MYO18B: variants seen among roughly 807,000 people sequenced by gnomAD.
MYO18B encodes the protein unconventional myosin-XVIIIb.
A neutral mutation model predicts 273.0 loss-of-function variants in MYO18B; 204 were observed. The observed-to-expected ratio is 0.75, with a 90% confidence interval of 0.67 to 0.84. MYO18B has a LOEUF of 0.84. Among genes scored for constraint, MYO18B ranks in the 40% least tolerant of loss-of-function variants. The pLI, the probability that MYO18B is intolerant of heterozygous loss-of-function variation, is 0.00. For missense variants in MYO18B, 3,212 were observed against 3,287.6 expected (o/e 0.98, Z 0.56); for synonymous variants, 1,330 against 1,305.7 (o/e 1.02, Z -0.40).
chr22:26,023,177 C>A (rs1427064094), intron 42 of MYO18B, among the ~76,000 whole-genome samples: 2 of 152,168 alleles, frequency 1.3e-5, no homozygotes, highest in African/African-American at 4.8e-5. Context: ...ATTTCAACTT[C>A]TTTCCTGTTT....
intron 21 of MYO18B, among the ~76,000 whole-genome samples, chr22:25,857,842 C>G (rs1355333931): frequency 6.6e-6 from 1 of 152,186 alleles, no homozygotes; most frequent in Non-Finnish European, 1.5e-5. Flanking sequence ...TTGTAGAGAC[C>G]TGGTTTCGCC....
intron 39 of MYO18B, among the ~76,000 whole-genome samples, chr22:25,981,255 A>G (rs2093145486): frequency 6.6e-6 from 1 of 152,200 alleles, no homozygotes; most frequent in Admixed American, 6.5e-5. Context: ...TCATAAACAG[A>G]TGTGTTTCTC....
In MYO18B at chr22:26,003,397, C is replaced by T. The variant is rs56041056; in HGVS notation, c.6332+88C>T. On this transcript the variant is annotated intron_variant, in intron 41 of 43. Coordinates refer to ENST00000335473, the MANE Select transcript of MYO18B (RefSeq NM_032608.7). ...AGTTTGCAGAGGGAACATCCATGTC[C>T]ACTTGGAGAATTATCAGTGATGCCC... 3.0e-3 allele frequency: 3,499 copies of T among 1,156,240 alleles called. 69 individuals are homozygous for T. In the African/African-American group the frequency reaches 0.047, roughly 16 times the overall value. 71.6% of individuals were successfully genotyped at this position (1,156,240 alleles called of 1,614,324 possible). A position where few individuals can be genotyped will look rare whatever the true frequency, so the allele number is the denominator to read the frequency against.
chr22:25,836,096 G>A (rs897308031), intron 17 of MYO18B, among the ~76,000 whole-genome samples: 2 of 152,160 alleles, frequency 1.3e-5, no homozygotes, highest in Non-Finnish European at 2.9e-5. Flanking sequence ...AAAGTCCATA[G>A]CACTTGGTGG....
At chr22:25,868,268 A>G (rs996548808) in intron 21 of MYO18B, 52 bp from the exon 22 acceptor site, 2 of 1,485,012 alleles carry the variant, frequency 1.3e-6, no homozygotes, top group African/African-American at 1.4e-5. Context: ...TTTCCCCTTT[A>G]GGATCCTCCT....
Position 26,030,959 on chromosome 22 carries a change from T to G in MYO18B, c.*529T>G, listed in dbSNP as rs1278961549. On this transcript the variant is annotated 3_prime_UTR_variant, in exon 44 of 44. Coordinates refer to ENST00000335473, the MANE Select transcript of MYO18B (RefSeq NM_032608.7). ...TTCATTTCTCTATCCTGTGTATGTA[T>G]AAGTGTGTACAAGCATTCAAGAAAC... 5.0e-6 allele frequency: 2 copies of G among 398,586 alleles called. No individual in the cohort carries two copies. The highest frequency in any genetic ancestry group is 7.1e-5 in the East Asian group (2 of 28,074). 24.7% of individuals were successfully genotyped at this position (398,586 alleles called of 1,614,324 possible). A position where few individuals can be genotyped will look rare whatever the true frequency, so the allele number is the denominator to read the frequency against.
chr22:25,987,137 G>T (rs1212475602), intron 39 of MYO18B, among the ~76,000 whole-genome samples: 1 of 152,222 alleles, frequency 6.6e-6, no homozygotes, highest in Non-Finnish European at 1.5e-5. Flanking sequence ...CTCCAGAGCT[G>T]CAGAAATTAA....
chr22:25,800,362 G>T (rs2088139249), intron 12 of MYO18B, among the ~76,000 whole-genome samples: 1 of 152,220 alleles, frequency 6.6e-6, no homozygotes. Context: ...TCAGCGCTTG[G>T]CTGTTTGGGC....
At chr22:26,020,699 G>A (rs1238291405) in intron 42 of MYO18B, among the ~76,000 whole-genome samples, 1 of 152,158 alleles carries the variant, frequency 6.6e-6, no homozygotes, top group Non-Finnish European at 1.5e-5. Flanking sequence ...TACTGAATAT[G>A]CATATGGCAT....
chr22:25,941,859 C>G lies in MYO18B; in HGVS notation c.5518-4278C>G, dbSNP rs1304700702. 7.9e-5 allele frequency among the ~76,000 whole-genome samples: 12 copies of G among 152,186 alleles called. 1 individual carries two copies. Among genetic ancestry groups the G allele is most frequent in the Admixed American group, 6.5e-4 (10 of 15,280 alleles). ...CCTCCCTCTACCCATCCCAGTGGAA[C>G]AGGAAGGCTAAAATTCCTCAAGATG... On this transcript the variant is annotated intron_variant, in intron 34 of 43. Coordinates refer to ENST00000335473, the MANE Select transcript of MYO18B (RefSeq NM_032608.7).
chr22:26,006,270 G>A (rs1440620033), intron 42 of MYO18B: 1 of 155,008 alleles, frequency 6.5e-6, no homozygotes, highest in African/African-American at 2.4e-5. Context: ...GGGTATTACG[G>A]TTTCGGTGCA....
chr22:25,897,596 T>C (rs902795734), intron 28 of MYO18B: 1 of 152,230 alleles, frequency 6.6e-6, no homozygotes, highest in Non-Finnish European at 1.5e-5. Flanking sequence ...CAGCAGAATA[T>C]AAGAGAACAT....
chr22:25,992,494 G>GT lies in MYO18B; in HGVS notation c.6287+2dup. On this transcript the variant is annotated splice_donor_variant, in intron 40 of 43. Coordinates refer to ENST00000335473, the MANE Select transcript of MYO18B (RefSeq NM_032608.7). LOFTEE classifies it high-confidence loss of function. Reference sequence around the variant, plus strand: ...CATCCAGTGACAGTGATACTGAGAGGTAACTTGCTAGGGGCTCGGCGGGGC... The same window carrying GT: ...CATCCAGTGACAGTGATACTGAGAGGTTAACTTGCTAGGGGCTCGGCGGGGC... 1 of 1,613,888 alleles carries GT rather than the reference G, an allele frequency of 6.2e-7. No homozygotes were observed. Among genetic ancestry groups the GT allele is most frequent in the Non-Finnish European group, 8.5e-7 (1 of 1,179,862 alleles).
intron 34 of MYO18B, among the ~76,000 whole-genome samples, chr22:25,926,668 G>A (rs1168938440): frequency 6.6e-6 from 1 of 152,160 alleles, no homozygotes; most frequent in Non-Finnish European, 1.5e-5. Flanking sequence ...TGTTCACTCT[G>A]CAAATATGGA....
chr22:25,889,117 A>G (rs146501891), intron 25 of MYO18B, among the ~76,000 whole-genome samples: 1 of 152,054 alleles, frequency 6.6e-6, no homozygotes, highest in Non-Finnish European at 1.5e-5. Context: ...GGATTACACC[A>G]AACATTCTAT....
At chr22:25,757,926 C>T (rs2086177063) in intron 1 of MYO18B, among the ~76,000 whole-genome samples, 1 of 152,198 alleles carries the variant, frequency 6.6e-6, no homozygotes, top group East Asian at 1.9e-4. Flanking sequence ...GTTTCCCAAA[C>T]AACTCTCACA....
chr22:25,776,064 C>T lies in MYO18B; in HGVS notation c.1870-1519C>T, dbSNP rs77843712. Among the ~76,000 whole-genome samples the T allele has an allele frequency of 8.0e-3, 1,216 of 152,316 alleles. 19 individuals carry two copies. The highest frequency in any genetic ancestry group is 0.028 in the African/African-American group (1,163 of 41,566). ...GTGGTCAACTCAGCCCCAAGTTCTA[C>T]CCCTGGTAGCCACTGATCTGTTTTT... On this transcript the variant is annotated intron_variant, in intron 7 of 43. Coordinates refer to ENST00000335473, the MANE Select transcript of MYO18B (RefSeq NM_032608.7).
At chr22:25,847,376 C>G (rs764564711) in intron 19 of MYO18B, 54 bp from the exon 20 acceptor site, 14 of 1,481,670 alleles carry the variant, frequency 9.4e-6, no homozygotes, top group South Asian at 1.2e-5. Context: ...GGTCCAGTCC[C>G]CTTTCTGTGT....
intron 11 of MYO18B, among the ~76,000 whole-genome samples, chr22:25,791,831 A>G (rs887748553): frequency 2.6e-5 from 4 of 152,188 alleles, no homozygotes; most frequent in Non-Finnish European, 5.9e-5. Context: ...TAATTCTCCC[A>G]ACGGTTCTTT....
Sources: allele counts gnomAD v4.1 joint callset (sites outside exome capture counted in the v4.1 genomes callset), GRCh38; gene constraint gnomAD v4.1.1; transcripts MANE v1.5; gene names NCBI Gene and HGNC (gene_info 2026-07-23, HGNC 2026-07-21).